The following SP140L variants were observed in gnomAD, a reference collection of about 807,000 sequenced individuals.
SP140L encodes SP140 like nuclear body protein.
A neutral mutation model predicts 84.3 loss-of-function variants in SP140L; 64 were observed. The observed-to-expected ratio is 0.76, with a 90% CI of 0.62 to 0.94. The LOEUF (loss-of-function observed/expected upper bound fraction) is 0.94, where lower values mean the gene tolerates loss of function less well. Among genes scored for constraint, SP140L ranks in the 40% least tolerant of loss-of-function variants. The pLI is 0.00. For synonymous variants in SP140L, 242 were observed against 236.9 expected, an observed-to-expected ratio of 1.02 and a Z score of -0.20; for missense variants, 628 against 692.5, an observed-to-expected ratio of 0.91 and a Z score of 1.05.
rs1355151348 is a variant in SP140L, at chr2:230,390,019, A to G, written c.960A>G (p.Glu320=). The G allele has an allele frequency of 5.6e-6, 9 of 1,613,008 alleles. No individual in the cohort carries two copies. The highest frequency in any genetic ancestry group is 7.6e-6 in the Non-Finnish European group (9 of 1,179,276). ...VKGILHKEKL[E]QGTLAKCIQT... ...GAATTTTACATAAGGAGAAATTGGA[A>G]CAAGGTGGGTTTCATAGTCTTCTTT... The change falls in exon 11 of 19, where the codon GAA becomes GAG. Residue 320 remains glutamate, a synonymous_variant. Transcript: ENST00000415673.
intron 18 of SP140L, 73 bp from the exon 19 acceptor site, chr2:230,402,725 A>T: frequency 8.7e-7 from 1 of 1,146,234 alleles, no homozygotes; most frequent in Non-Finnish European, 1.3e-6. Context: ...AGTCCTGATC[A>T]TTCTCAGTTG....
chr2:230,385,106 A>G, intron 8 of SP140L, 118 bp from the exon 9 acceptor site: 1 of 885,554 alleles, frequency 1.1e-6, no homozygotes, highest in Non-Finnish European at 1.8e-6. Context: ...AATGCTCTGG[A>G]CACCTGCTCG....
chr2:230,332,852 A>G lies in SP140L; in HGVS notation c.107+4021A>G, dbSNP rs537477936. ...TCTGCTGATCCAATTAGTTCTGGTTAGTTTCAGCTTCCAAGACTGACCTTC... is the reference window on the plus strand; with the variant it reads ...TCTGCTGATCCAATTAGTTCTGGTTGGTTTCAGCTTCCAAGACTGACCTTC... On this transcript the variant is annotated intron_variant, in intron 2 of 18. Coordinates refer to ENST00000415673, the MANE Select transcript of SP140L (RefSeq NM_138402.6). Among the ~76,000 whole-genome samples, 19 of 152,300 alleles carry G rather than the reference A, an allele frequency of 1.2e-4. No homozygotes were observed. The South Asian group carries it at 3.9e-3, about 32-fold the overall frequency.
intron 14 of SP140L, among the ~76,000 whole-genome samples, chr2:230,398,937 A>G (rs1309824915): frequency 3.3e-5 from 5 of 152,214 alleles, no homozygotes; most frequent in Non-Finnish European, 7.3e-5. Flanking sequence ...AGAAGGTGCA[A>G]GCGGTCCTCT....
chr2:230,366,710 C>CTATTATTATTATTAT lies in SP140L; in HGVS notation c.524-4175_524-4161dup, dbSNP rs60410770. 1.8e-3 allele frequency among the ~76,000 whole-genome samples: 260 copies of CTATTATTATTATTAT among 144,580 alleles called. 1 individual carries two copies. Among genetic ancestry groups the CTATTATTATTATTAT allele is most frequent in the South Asian group, 3.9e-3 (18 of 4,580 alleles). The allele number at this position is 144,580 out of a possible 152,430, so 94.9% of individuals were successfully genotyped here. On this transcript the variant is annotated intron_variant, in intron 5 of 18. Coordinates refer to ENST00000415673, the MANE Select transcript of SP140L (RefSeq NM_138402.6). ...TTCTGGTTGTTTTGTGGATTATTAT[C>CTATTATTATTATTAT]TATTATTATTATTATTATTATTATT...
chr2:230,383,752 A>G (rs921221208), intron 8 of SP140L, among the ~76,000 whole-genome samples, 177 bp downstream of exon 8: 4 of 152,178 alleles, frequency 2.6e-5, no homozygotes, highest in Admixed American at 6.5e-5. Context: ...CTTCAACAAA[A>G]TGGTTTCTAA....
At chr2:230,379,656 T>C (rs1308405024) in intron 7 of SP140L, among the ~76,000 whole-genome samples, 1 of 152,196 alleles carries the variant, frequency 6.6e-6, no homozygotes, top group African/African-American at 2.4e-5. Context: ...GATCTCTAAG[T>C]GGTAAATTCT....
intron 13 of SP140L, among the ~76,000 whole-genome samples, chr2:230,395,513 G>A (rs992790843): frequency 1.2e-4 from 18 of 152,168 alleles, no homozygotes; most frequent in South Asian, 2.1e-4. Flanking sequence ...CTGGGAGGTC[G>A]AGGCTATAGT....
intron 7 of SP140L, among the ~76,000 whole-genome samples, chr2:230,376,392 C>T (rs1413809122): frequency 6.6e-6 from 1 of 152,074 alleles, no homozygotes; most frequent in African/African-American, 2.4e-5. Flanking sequence ...TAAATGAATT[C>T]AGTAAAGTTG....
chr2:230,378,017 C>CT (rs1441754756), intron 7 of SP140L, among the ~76,000 whole-genome samples: 1 of 151,970 alleles, frequency 6.6e-6, no homozygotes, highest in Non-Finnish European at 1.5e-5. Flanking sequence ...GATTTCTTTT[C>CT]TTTTTTTGCA....
chr2:230,383,664 C>A, intron 8 of SP140L, 89 bp downstream of exon 8: 1 of 1,287,432 alleles, frequency 7.8e-7, no homozygotes, highest in Non-Finnish European at 1.1e-6. Context: ...TCACGAGGGC[C>A]AGGAGAGTTC....
chr2:230,399,149 T>A (rs10933336), intron 14 of SP140L, among the ~76,000 whole-genome samples: 105,918 of 152,098 alleles, frequency 0.7, 37,602 homozygotes, highest in Non-Finnish European at 0.74. Context: ...ATGAATACAC[T>A]TGCATTTGTC....
chr2:230,332,601 C>A (rs183421772), intron 2 of SP140L, among the ~76,000 whole-genome samples: 105 of 152,296 alleles, frequency 6.9e-4, no homozygotes, highest in South Asian at 1.7e-3. Context: ...TGTTCATAAC[C>A]AAGTCATATA....
chr2:230,392,362 A>G, intron 12 of SP140L, 133 bp downstream of exon 12: 1 of 1,351,982 alleles, frequency 7.4e-7, no homozygotes, highest in Non-Finnish European at 1.0e-6. Flanking sequence ...CCTCTCACTC[A>G]GGAGAGAGGG....
intron 2 of SP140L, among the ~76,000 whole-genome samples, chr2:230,337,831 T>C (rs901026992): frequency 5.3e-5 from 8 of 152,128 alleles, no homozygotes; most frequent in Non-Finnish European, 8.8e-5. Flanking sequence ...TTCTGAGGGC[T>C]CTGTTCTGTT....
At chr2:230,336,212 C>A (rs2059877300) in intron 2 of SP140L, among the ~76,000 whole-genome samples, 1 of 152,158 alleles carries the variant, frequency 6.6e-6, no homozygotes, top group Admixed American at 6.5e-5. Context: ...GTAATAGGGG[C>A]ATAATGCAGT....
At chr2:230,347,157 G>T (rs1375714769) in intron 2 of SP140L, among the ~76,000 whole-genome samples, 1 of 152,164 alleles carries the variant, frequency 6.6e-6, no homozygotes, top group Non-Finnish European at 1.5e-5. Context: ...TCTGGTGTTT[G>T]CTGGGGCCAC....
intron 13 of SP140L, among the ~76,000 whole-genome samples, chr2:230,394,088 T>G (rs2061944254): frequency 6.6e-6 from 1 of 152,214 alleles, no homozygotes; most frequent in Non-Finnish European, 1.5e-5. Context: ...GGGAGGAAGA[T>G]CTCCAGAGGC....
intron 2 of SP140L, among the ~76,000 whole-genome samples, chr2:230,348,118 G>A (rs982168937): frequency 6.6e-6 from 1 of 152,158 alleles, no homozygotes; most frequent in African/African-American, 2.4e-5. Context: ...AGAAACTTTG[G>A]GCTCAGGAAA....
Sources: allele counts gnomAD v4.1 joint callset (sites outside exome capture counted in the v4.1 genomes callset), GRCh38; gene constraint gnomAD v4.1.1; transcripts MANE v1.5; gene names NCBI Gene and HGNC (gene_info 2026-07-23, HGNC 2026-07-21).